TTC27: variants seen among roughly 807,000 people sequenced by gnomAD.
The protein encoded by TTC27 is tetratricopeptide repeat protein 27.
In TTC27, 79 loss-of-function variants were observed where a neutral mutation model predicts 115.9. The ratio of observed to expected loss-of-function variants is 0.68; its 90% confidence interval spans 0.57 to 0.82. The LOEUF (loss-of-function observed/expected upper bound fraction) is 0.82. Ranked by LOEUF, TTC27 falls within the 40% of genes least tolerant of loss-of-function variation. The pLI is 0.00. For synonymous variants in TTC27, 401 were observed against 356.0 expected, an observed-to-expected ratio of 1.13 and a Z score of -1.42; for missense variants, 1,054 against 993.1, an observed-to-expected ratio of 1.06 and a Z score of -0.82.
chr2:32,636,869 G>C (rs183784884), intron 3 of TTC27, among the ~76,000 whole-genome samples: 1 of 152,286 alleles, frequency 6.6e-6, no homozygotes, highest in East Asian at 1.9e-4. Flanking sequence ...GGATAGAGAA[G>C]AGGAAAATAT....
At chr2:32,789,396 A>G (rs1366642939) in intron 16 of TTC27, among the ~76,000 whole-genome samples, 2 of 152,194 alleles carry the variant, frequency 1.3e-5, no homozygotes, top group African/African-American at 4.8e-5. Flanking sequence ...ATTCTTGCTA[A>G]TGTTTAGATG....
intron 8 of TTC27, among the ~76,000 whole-genome samples, chr2:32,677,085 G>C (rs1666237327): frequency 6.6e-6 from 1 of 152,038 alleles, no homozygotes; most frequent in South Asian, 2.1e-4. Context: ...TTGTATGCTT[G>C]TAAGTCAGTT....
intron 17 of TTC27, among the ~76,000 whole-genome samples, 154 bp downstream of exon 17, chr2:32,811,375 T>G (rs1418008270): frequency 6.6e-6 from 1 of 152,206 alleles, no homozygotes; most frequent in Non-Finnish European, 1.5e-5. Flanking sequence ...CCTACGTACT[T>G]TGAATTGTGG....
chr2:32,696,380 C>A (rs965379519), intron 9 of TTC27, among the ~76,000 whole-genome samples: 10 of 151,870 alleles, frequency 6.6e-5, no homozygotes, highest in African/African-American at 2.2e-4. Context: ...ACCTCCACCT[C>A]CTGGGTTCAA....
At chr2:32,640,504 A>G (rs1004946118) in intron 4 of TTC27, 94 bp downstream of exon 4, 1 of 1,342,490 alleles carries the variant, frequency 7.4e-7, no homozygotes, top group Admixed American at 2.2e-5. Flanking sequence ...GTCTTGGTCT[A>G]TTTTGTTTTC....
At chr2:32,694,178 G>A (rs1666906788) in intron 9 of TTC27, among the ~76,000 whole-genome samples, 1 of 152,066 alleles carries the variant, frequency 6.6e-6, no homozygotes, top group African/African-American at 2.4e-5. Flanking sequence ...AAATGAGTAT[G>A]AATTATTGGA....
chr2:32,711,116 CAAA>C (rs34140897), intron 10 of TTC27, among the ~76,000 whole-genome samples: 3 of 59,930 alleles, frequency 5.0e-5, no homozygotes, highest in Non-Finnish European at 3.2e-5. Flanking sequence ...GACTCTGTCT[CAAA>C]AAAAAAAAAA....
chr2:32,689,994 A>G (rs1167563827), intron 9 of TTC27, among the ~76,000 whole-genome samples: 1 of 152,184 alleles, frequency 6.6e-6, no homozygotes, highest in African/African-American at 2.4e-5. Context: ...GTGGCAAAAT[A>G]TTAACATTTG....
chr2:32,704,403 C>G (rs7564076), intron 10 of TTC27, among the ~76,000 whole-genome samples: 124,939 of 151,956 alleles, frequency 0.82, 51,418 homozygotes, highest in Middle Eastern at 0.92. Context: ...GGTTAGGCTG[C>G]TCTTGAACTC....
chr2:32,706,590 G>A (rs1667376464), intron 10 of TTC27, among the ~76,000 whole-genome samples: 1 of 151,960 alleles, frequency 6.6e-6, no homozygotes, highest in Non-Finnish European at 1.5e-5. Flanking sequence ...TTGAGACAGA[G>A]TGTTACTCTT....
intron 16 of TTC27, among the ~76,000 whole-genome samples, chr2:32,795,533 TA>T (rs1670670098): frequency 1.9e-5 from 1 of 52,622 alleles, no homozygotes; most frequent in Non-Finnish European, 4.1e-5. Flanking sequence ...CTTCTTTTCT[TA>T]TTTATTTATT....
chr2:32,742,594 C>G (rs988402881), intron 12 of TTC27, among the ~76,000 whole-genome samples: 2 of 152,136 alleles, frequency 1.3e-5, no homozygotes, highest in Non-Finnish European at 2.9e-5. Context: ...TTGCACTTGT[C>G]ACCTCTCAGC....
chr2:32,703,783 T>C (rs1368113188), intron 10 of TTC27, among the ~76,000 whole-genome samples: 1 of 152,228 alleles, frequency 6.6e-6, no homozygotes, highest in East Asian at 1.9e-4. Context: ...AATCTTACAA[T>C]AGATGTAGGA....
intron 16 of TTC27, among the ~76,000 whole-genome samples, chr2:32,800,045 A>G (rs912579389): frequency 2.0e-5 from 3 of 152,228 alleles, no homozygotes; most frequent in African/African-American, 7.2e-5. Flanking sequence ...CCTCAGTTTC[A>G]TGAAATAGGG....
intron 16 of TTC27, among the ~76,000 whole-genome samples, chr2:32,797,485 T>G (rs1003877837): frequency 2.0e-5 from 3 of 152,152 alleles, no homozygotes; most frequent in Non-Finnish European, 4.4e-5. Flanking sequence ...ACTCAAATGA[T>G]TTTTGACAAG....
At chr2:32,777,826 T>C in intron 13 of TTC27, 56 bp from the exon 14 acceptor site, 1 of 1,541,834 alleles carries the variant, frequency 6.5e-7, no homozygotes, top group Non-Finnish European at 9.0e-7. Context: ...ATTTTCAGAT[T>C]ACATTCTGTA....
At position 32,693,968 on chromosome 2, in the gene TTC27, A is replaced by T. The variant is rs78886844; in HGVS notation, c.1120-8839A>T. ...TAATAAATAAAATGAACAACAAAACAGCAAAAACAGCAAACTTGTATCGAG... is the reference window on the plus strand; with the variant it reads ...TAATAAATAAAATGAACAACAAAACTGCAAAAACAGCAAACTTGTATCGAG... On this transcript the variant is annotated intron_variant, in intron 9 of 19. Coordinates refer to ENST00000317907, the MANE Select transcript of TTC27 (RefSeq NM_017735.5). Among the ~76,000 whole-genome samples the T allele has an allele frequency of 8.3e-3, 1,260 of 152,372 alleles. 11 individuals are homozygous for T. The highest frequency in any genetic ancestry group is 0.017 in the Middle Eastern group (5 of 294).
chr2:32,629,141 G>A (rs1033172442), intron 1 of TTC27, among the ~76,000 whole-genome samples: 1 of 151,428 alleles, frequency 6.6e-6, no homozygotes. Context: ...TTTTTGGGGG[G>A]ATGGAGTCTC....
intron 10 of TTC27, among the ~76,000 whole-genome samples, chr2:32,724,344 T>G (rs1482367895): frequency 1.3e-5 from 2 of 152,186 alleles, no homozygotes; most frequent in African/African-American, 4.8e-5. Flanking sequence ...GCCTTTTCAC[T>G]GTGTTGATAT....
Sources: allele counts gnomAD v4.1 joint callset (sites outside exome capture counted in the v4.1 genomes callset), GRCh38; gene constraint gnomAD v4.1.1; transcripts MANE v1.5; gene names NCBI Gene and HGNC (gene_info 2026-07-23, HGNC 2026-07-21).